Variants in TGIF1 observed in about 807,000 individuals in gnomAD.
TGIF1 encodes the protein homeobox protein TGIF1.
A neutral mutation model predicts 19.3 loss-of-function variants in TGIF1; 4 were observed. That is an observed-to-expected ratio of 0.21 (90% CI 0.10 to 0.47). The LOEUF (loss-of-function observed/expected upper bound fraction) is 0.47, where lower values mean the gene tolerates loss of function less well. Among genes scored for constraint, TGIF1 ranks in the 20% least tolerant of loss-of-function variants. The pLI is 0.98. For synonymous variants in TGIF1, 122 were observed against 129.3 expected, an observed-to-expected ratio of 0.94 and a Z score of 0.38; for missense variants, 275 against 341.4, an observed-to-expected ratio of 0.81 and a Z score of 1.53.
chr18:3,450,841 T>TAA (rs2082894149), intron 1 of TGIF1, among the ~76,000 whole-genome samples: 4 of 152,034 alleles, frequency 2.6e-5, no homozygotes, highest in Admixed American at 2.6e-4. Flanking sequence ...TCGCTCTTTC[T>TAA]CGCGTGCTGG....
At chr18:3,445,787 A>G (rs1012832982), upstream of TGIF1, among the ~76,000 whole-genome samples, 1 of 125,250 alleles carries the variant, frequency 8.0e-6, no homozygotes, top group African/African-American at 2.8e-5. Flanking sequence ...AAAAAAAAAA[A>G]GCGCAGACAG....
chr18:3,452,507 G>GC (rs1199634376), intron 1 of TGIF1: 3 of 1,427,898 alleles, frequency 2.1e-6, no homozygotes, highest in Non-Finnish European at 2.9e-6. Flanking sequence ...GGGTGGGCAG[G>GC]CCTCTGAGAA....
intron 2 of TGIF1, among the ~76,000 whole-genome samples, chr18:3,423,774 G>C (rs981901336): frequency 1.3e-5 from 2 of 152,050 alleles, no homozygotes; most frequent in African/African-American, 4.8e-5. Context: ...AGGATCACTG[G>C]AGCCCAGGAG....
rs1029342068 is a variant in TGIF1 at position 3,456,914 on chromosome 18, T to C, written c.243+334T>C. On this transcript the variant is annotated intron_variant, in intron 2 of 2. Transcript: ENST00000343820. This position sits in a 1 kb window ranked among gnomAD's most constrained non-coding sequence, Gnocchi z 4.2. ...GACTTCAGTGAGGTAATTCATGTTATGTCTGTTGACACAGTCATTTGAACT... is the reference window on the plus strand; with the variant it reads ...GACTTCAGTGAGGTAATTCATGTTACGTCTGTTGACACAGTCATTTGAACT... 3.3e-6 allele frequency: 2 copies of C among 598,480 alleles called. No homozygotes were observed. Among genetic ancestry groups the C allele is most frequent in the Non-Finnish European group, 5.9e-6 (2 of 339,182 alleles). 37.1% of individuals were successfully genotyped at this position (598,480 alleles called of 1,614,324 possible).
upstream of TGIF1, chr18:3,449,899 T>C: frequency 1.0e-6 from 1 of 985,800 alleles, no homozygotes; most frequent in Non-Finnish European, 1.2e-6. Context: ...GGGAGAAACC[T>C]GGGGCGCTCG....
At chr18:3,450,025 G>A (rs911246614), upstream of TGIF1, 1 of 992,210 alleles carries the variant, frequency 1.0e-6, no homozygotes, top group East Asian at 1.1e-4. Flanking sequence ...CCCGAGGGAC[G>A]AGTGACAGCG....
In TGIF1 at chr18:3,414,235, C is replaced by T. The variant is rs1248226929; in HGVS notation, c.-118+1981C>T. 2.0e-5 allele frequency among the ~76,000 whole-genome samples: 3 copies of T among 152,198 alleles called. No homozygotes were observed. The South Asian group carries it at 6.2e-4, about 32-fold the overall frequency. On this transcript the variant is annotated intron_variant, in intron 1 of 3. Transcript: ENST00000401449. ...ATTCTCACTTAAATACTTCTAAACC[C>T]TTTTCCATTCAGTGGATATGAGTAT...
chr18:3,421,159 A>G (rs956439217), intron 2 of TGIF1, among the ~76,000 whole-genome samples: 1 of 151,758 alleles, frequency 6.6e-6, no homozygotes, highest in African/African-American at 2.4e-5. Flanking sequence ...GTGTAAACAA[A>G]TCTACTGTAT....
chr18:3,422,679 T>TA (rs71366657), intron 2 of TGIF1, among the ~76,000 whole-genome samples: 1 of 106,880 alleles, frequency 9.4e-6, no homozygotes, highest in African/African-American at 3.4e-5. Flanking sequence ...TGGCCTTTTT[T>TA]TTTTTTTTTT....
At chr18:3,452,628 CAA>C (rs1219042119) in intron 1 of TGIF1, among the ~76,000 whole-genome samples, 1 of 152,084 alleles carries the variant, frequency 6.6e-6, no homozygotes, top group African/African-American at 2.4e-5. Flanking sequence ...GAGGAACTCT[CAA>C]GAACAAAAGC....
chr18:3,449,719 C>G, upstream of TGIF1: 1 of 985,454 alleles, frequency 1.0e-6, no homozygotes, highest in Non-Finnish European at 1.2e-6. Context: ...AGGCGGCTGT[C>G]TCGTGCGGCT....
At chr18:3,415,760 G>C (rs992243421) in intron 1 of TGIF1, among the ~76,000 whole-genome samples, 1 of 152,190 alleles carries the variant, frequency 6.6e-6, no homozygotes, top group African/African-American at 2.4e-5. Context: ...TGGCAGTGGG[G>C]ATGTTGACCA....
At chr18:3,417,514 G>A (rs902720588) in intron 1 of TGIF1, among the ~76,000 whole-genome samples, 5 of 152,050 alleles carry the variant, frequency 3.3e-5, no homozygotes, top group Admixed American at 2.6e-4. Context: ...ACATGGAAAC[G>A]TTCATGATAC....
intron 2 of TGIF1, among the ~76,000 whole-genome samples, chr18:3,443,535 G>A (rs1002495525): frequency 3.3e-5 from 5 of 151,938 alleles, no homozygotes; most frequent in Non-Finnish European, 7.4e-5. Flanking sequence ...CACTACAGGT[G>A]TATACCACGA....
chr18:3,442,403 C>T (rs992188953), intron 2 of TGIF1, among the ~76,000 whole-genome samples: 6 of 151,908 alleles, frequency 3.9e-5, no homozygotes, highest in Non-Finnish European at 7.4e-5. Context: ...GTACTTAGTC[C>T]AATGATTTTT....
chr18:3,450,566 G>A (rs991282961), intron 1 of TGIF1, 61 bp downstream of exon 1: 8 of 1,549,898 alleles, frequency 5.2e-6, no homozygotes, highest in East Asian at 2.4e-5. Flanking sequence ...GTGCTGGCCG[G>A]GCCGCGCCGC....
At chr18:3,435,822 A>T (rs2143212528) in intron 2 of TGIF1, among the ~76,000 whole-genome samples, 1 of 152,194 alleles carries the variant, frequency 6.6e-6, no homozygotes, top group Middle Eastern at 3.4e-3. Flanking sequence ...TTTTCCCCAA[A>T]CTAGTTGGTA....
intron 2 of TGIF1, among the ~76,000 whole-genome samples, chr18:3,434,587 C>T (rs1003632175): frequency 2.4e-4 from 35 of 147,520 alleles, no homozygotes; most frequent in African/African-American, 8.3e-4. Context: ...TGGTGGCATG[C>T]GCCTGTAATC....
intron 2 of TGIF1, among the ~76,000 whole-genome samples, chr18:3,441,941 C>A (rs1214346450): frequency 6.6e-6 from 1 of 152,052 alleles, no homozygotes; most frequent in Non-Finnish European, 1.5e-5. Context: ...ACCAGCTCTT[C>A]TCTTTCAGAA....
Sources: allele counts gnomAD v4.1 joint callset (sites outside exome capture counted in the v4.1 genomes callset), GRCh38; gene constraint gnomAD v4.1.1; non-coding constraint Gnocchi (gnomAD v3.1); transcripts MANE v1.5; gene names NCBI Gene and HGNC (gene_info 2026-07-23, HGNC 2026-07-21).